Variants in SELENOK observed in about 807,000 individuals in gnomAD.
SELENOK encodes the protein selenoprotein K.
A neutral mutation model predicts 17.3 loss-of-function variants in SELENOK; 11 were observed. The ratio of observed to expected loss-of-function variants is 0.63; its 90% CI spans 0.40 to 1.05. The LOEUF is 1.05. SELENOK is among the 50% of genes least tolerant of loss of function. SELENOK has a pLI of 0.00. For synonymous variants in SELENOK, 45 were observed against 35.4 expected (o/e 1.27, Z -0.97); for missense variants, 125 against 113.9 (o/e 1.10, Z -0.44).
chr3:53,890,056 C>G (rs1446137091), intron 1 of SELENOK, among the ~76,000 whole-genome samples: 1 of 152,182 alleles, frequency 6.6e-6, no homozygotes, highest in Non-Finnish European at 1.5e-5. Context: ...CTCACCTCTA[C>G]CCACTCCATG....
At chr3:53,887,053 C>A (rs1018808237) in intron 2 of SELENOK, 119 bp from the exon 3 acceptor site, 2 of 734,834 alleles carry the variant, frequency 2.7e-6, no homozygotes, top group African/African-American at 3.6e-5. Flanking sequence ...TAGCTCCTAA[C>A]CCACATTTCT....
At chr3:53,888,083 TAGAG>T (rs1392718728) in intron 2 of SELENOK, 4 of 196,208 alleles carry the variant, frequency 2.0e-5, no homozygotes, top group Admixed American at 6.0e-5. Flanking sequence ...ACAAGAATAG[TAGAG>T]AGAAAGTGAG....
intron 2 of SELENOK, among the ~76,000 whole-genome samples, chr3:53,887,629 C>T (rs1041631612): frequency 6.6e-6 from 1 of 152,184 alleles, no homozygotes; most frequent in Non-Finnish European, 1.5e-5. Flanking sequence ...GATACTCAAA[C>T]TTCTATGCCA....
Position 53,886,802 on chromosome 3 carries a change from A to G in SELENOK, c.194+49T>C, listed in dbSNP as rs573897212. 71 of 1,096,812 alleles carry G rather than the reference A, an allele frequency of 6.5e-5. No individual in the cohort carries two copies. The Middle Eastern group carries it at 7.9e-4, about 12-fold the overall frequency. 67.9% of individuals were successfully genotyped at this position (1,096,812 alleles called of 1,614,324 possible). On this transcript the variant is annotated intron_variant, in intron 3 of 4. Transcript: ENST00000495461. Reference sequence around the variant, plus strand: ...TCTATCTACCTAAAATATCTAATAAAGGTATACAAAGACATAAAAACAACT... The same window carrying G: ...TCTATCTACCTAAAATATCTAATAAGGGTATACAAAGACATAAAAACAACT...
At chr3:53,891,469 C>A (rs1179597545) in intron 1 of SELENOK, among the ~76,000 whole-genome samples, 2 of 152,216 alleles carry the variant, frequency 1.3e-5, no homozygotes, top group Non-Finnish European at 2.9e-5. Flanking sequence ...TACCGACACC[C>A]GAGAGAGGAA....
chr3:53,886,462 T>C (rs1054868613), intron 3 of SELENOK, among the ~76,000 whole-genome samples: 3 of 152,124 alleles, frequency 2.0e-5, no homozygotes, highest in African/African-American at 7.2e-5. Context: ...TCTCGATCTC[T>C]TGACCTCGTG....
chr3:53,885,494 T>G lies in SELENOK; in HGVS notation c.*64A>C. The G allele has an allele frequency of 6.4e-7, 1 of 1,556,150 alleles. No individual in the cohort carries two copies. On this transcript the variant is annotated 3_prime_UTR_variant, in exon 5 of 5. Transcript: ENST00000495461. The stretch of plus-strand genomic sequence containing the variant: ...CTGCTCATCATGGTCAGCCTTCCAC[T>G]TCTTGATGGTTTCCTTCTGCTATGA...
chr3:53,886,913 T>G lies in SELENOK; in HGVS notation c.132A>C (p.Gln44His), dbSNP rs776298580. Residue 44 changes from glutamine to histidine, a missense_variant, in exon 3 of 5, where the codon CAA becomes CAC. Gln to His is a conservative substitution (Grantham distance 24, BLOSUM62 0). Transcript: ENST00000495461. ...CATAGCTTCTTCTTTTTTTCACATCTTGCTGAAGCAGAGTTTTGAAACTGA... is the reference window on the plus strand; with the variant it reads ...CATAGCTTCTTCTTTTTTTCACATCGTGCTGAAGCAGAGTTTTGAAACTGA... The part of the protein sequence containing the change: ...VVLFFKTLLQ[Q>H]DVKKRRSYGN... The G allele has an allele frequency of 6.4e-7, 1 of 1,567,436 alleles. No individual in the cohort carries two copies. Among genetic ancestry groups the G allele is most frequent in the Non-Finnish European group, 8.7e-7 (1 of 1,154,488 alleles).
intron 1 of SELENOK, among the ~76,000 whole-genome samples, chr3:53,888,901 C>T (rs577296268): frequency 1.3e-5 from 2 of 151,996 alleles, no homozygotes; most frequent in Admixed American, 6.5e-5. Context: ...CTAAAAACTA[C>T]AAAAAATTAG....
rs559022235 is a variant in SELENOK, at chr3:53,884,545, G to A, written c.*1013C>T. The A allele has an allele frequency of 6.6e-6, 1 of 152,394 alleles. No individual in the cohort carries two copies. Among genetic ancestry groups the A allele is most frequent in the South Asian group, 2.1e-4 (1 of 4,832 alleles). The allele number at this position is 152,394 out of a possible 1,614,324, so 9.4% of individuals were successfully genotyped here. Reference sequence around the variant, plus strand: ...TCTCAGAGCTTCCACTCTAGTGAAAGAATGTGAAAGTTATCAGTATTCAGA... The same window carrying A: ...TCTCAGAGCTTCCACTCTAGTGAAAAAATGTGAAAGTTATCAGTATTCAGA... On this transcript the variant is annotated 3_prime_UTR_variant, in exon 5 of 5. Coordinates refer to ENST00000495461, the MANE Select transcript of SELENOK (RefSeq NM_021237.5).
intron 1 of SELENOK, 23 bp from the exon 2 acceptor site, chr3:53,888,506 C>T: frequency 6.6e-7 from 1 of 1,508,316 alleles, no homozygotes; most frequent in South Asian, 1.1e-5. Context: ...ATTAAAGAAA[C>T]TTTAGTGAGT....
intron 4 of SELENOK, 113 bp from the exon 5 acceptor site, chr3:53,885,674 G>A: frequency 7.8e-7 from 1 of 1,287,158 alleles, no homozygotes; most frequent in Non-Finnish European, 1.1e-6. Context: ...TGATAACAAG[G>A]CCAGTGAATT....
Position 53,885,497 on chromosome 3 carries a change from T to C in SELENOK, c.*61A>G, listed in dbSNP as rs1271808247. The C allele has an allele frequency of 1.9e-6, 3 of 1,566,988 alleles. No homozygotes were observed. Among genetic ancestry groups the C allele is most frequent in the South Asian group, 1.1e-5 (1 of 87,678 alleles). On this transcript the variant is annotated 3_prime_UTR_variant, in exon 5 of 5. Transcript: ENST00000495461. Reference sequence around the variant, plus strand: ...CTCATCATGGTCAGCCTTCCACTTCTTGATGGTTTCCTTCTGCTATGAATG... The same window carrying C: ...CTCATCATGGTCAGCCTTCCACTTCCTGATGGTTTCCTTCTGCTATGAATG...
Position 53,885,276 on chromosome 3 carries a change from A to T in SELENOK, c.*282T>A. 1 of 280,718 alleles carries T rather than the reference A, an allele frequency of 3.6e-6. No homozygotes were observed. Among genetic ancestry groups the T allele is most frequent in the Non-Finnish European group, 6.5e-6 (1 of 153,478 alleles). The allele number at this position is 280,718 out of a possible 1,614,324, so 17.4% of individuals were successfully genotyped here. A position where few individuals can be genotyped will look rare whatever the true frequency, so the allele number is the denominator to read the frequency against. On this transcript the variant is annotated 3_prime_UTR_variant, in exon 5 of 5. Transcript: ENST00000495461. ...ATAAAGATGAGGAGTCCATTCTGCA[A>T]CCTAAAAATATTTACTTATTAAAAC...
Position 53,885,127 on chromosome 3 carries a change from TAC to T in SELENOK, c.*429_*430del, listed in dbSNP as rs572735570. The T allele has an allele frequency of 2.2e-3, 347 of 155,012 alleles. 1 individual carries two copies. The highest frequency in any genetic ancestry group is 4.3e-3 in the Non-Finnish European group (303 of 69,778). 9.6% of individuals were successfully genotyped at this position (155,012 alleles called of 1,614,324 possible). On this transcript the variant is annotated 3_prime_UTR_variant, in exon 5 of 5. Coordinates refer to ENST00000495461, the MANE Select transcript of SELENOK (RefSeq NM_021237.5). ...ATGCTATGCATACTACTAAAATAAA[TAC>T]AGTGATTTATAAATGAGAAAAAGTT...
At position 53,891,779 on chromosome 3, in the gene SELENOK, T is replaced by C. The variant is rs375686828; in HGVS notation, c.10A>G (p.Ile4Val). 1.7e-5 allele frequency: 28 copies of C among 1,613,884 alleles called. No homozygotes were observed. Among genetic ancestry groups the C allele is most frequent in the Non-Finnish European group, 2.2e-5 (26 of 1,179,852 alleles). MVY[I>V]SNGQVLDSRS... ...CCCGCTCTCAACTTACCGTTCGAGA[T>C]GTAAACCATCTTGTCCCACTTCCCC... The change falls in exon 1 of 5, where the codon ATC (isoleucine) becomes GTC (valine). Residue 4 changes from isoleucine to valine, a missense_variant. Transcript: ENST00000495461.
chr3:53,886,761 TTTCC>T, intron 3 of SELENOK, 86 bp downstream of exon 3: 1 of 743,070 alleles, frequency 1.3e-6, no homozygotes, highest in South Asian at 2.8e-5. Flanking sequence ...AAACTTTTAA[TTTCC>T]AAAAGTCTAA....
Position 53,890,719 on chromosome 3 carries a change from A to C in SELENOK, c.19+1051T>G, listed in dbSNP as rs545469174. On this transcript the variant is annotated intron_variant, in intron 1 of 4. Transcript: ENST00000495461. Reference sequence around the variant, plus strand: ...ATTTTGATGCTTTTCTGTAGTGTCCATCAATCTACTTGTTTCAAAGATTTT... The same window carrying C: ...ATTTTGATGCTTTTCTGTAGTGTCCCTCAATCTACTTGTTTCAAAGATTTT... Among the ~76,000 whole-genome samples the C allele has an allele frequency of 3.7e-4, 57 of 152,392 alleles. 2 individuals carry two copies. In the East Asian group the frequency reaches 0.011, roughly 29 times the overall value.
chr3:53,885,723 G>T, intron 4 of SELENOK, 103 bp downstream of exon 4: 1 of 1,191,578 alleles, frequency 8.4e-7, no homozygotes, highest in Non-Finnish European at 1.2e-6. Context: ...TCCAAATAAT[G>T]TCTGAGTAAT....
Sources: allele counts gnomAD v4.1 joint callset (sites outside exome capture counted in the v4.1 genomes callset), GRCh38; gene constraint gnomAD v4.1.1; transcripts MANE v1.5; gene names NCBI Gene and HGNC (gene_info 2026-07-23, HGNC 2026-07-21).